The following DRD3 variants were observed in gnomAD, a reference collection of about 807,000 sequenced individuals.
The protein encoded by DRD3 is D(3) dopamine receptor.
Under a neutral mutation model 36.3 loss-of-function variants are expected in DRD3, and 19 were observed. The ratio of observed to expected loss-of-function variants is 0.52; its 90% CI spans 0.36 to 0.77. The LOEUF is 0.77. Ranked by LOEUF, DRD3 falls within the 30% of genes least tolerant of loss-of-function variation. The pLI, the probability that DRD3 is intolerant of heterozygous loss-of-function variation, is 0.00. For synonymous variants in DRD3, 195 were observed against 203.7 expected, an observed-to-expected ratio of 0.96 and a Z score of 0.36; for missense variants, 465 against 505.3, an observed-to-expected ratio of 0.92 and a Z score of 0.77.
At chr3:114,191,655 C>T (rs542521510) in intron 1 of DRD3, among the ~76,000 whole-genome samples, 4 of 152,230 alleles carry the variant, frequency 2.6e-5, no homozygotes, top group Non-Finnish European at 2.9e-5. Flanking sequence ...GAGGCTGTTA[C>T]GGTAACTCAG....
chr3:114,192,048 A>AT (rs1245511389), intron 1 of DRD3, among the ~76,000 whole-genome samples: 1 of 152,192 alleles, frequency 6.6e-6, no homozygotes, highest in Non-Finnish European at 1.5e-5. Flanking sequence ...ATGGAAAAAA[A>AT]GGGAAGGCTT....
intron 4 of DRD3, among the ~76,000 whole-genome samples, chr3:114,143,047 G>A (rs905912688): frequency 6.6e-6 from 1 of 152,348 alleles, no homozygotes; most frequent in East Asian, 1.9e-4. Flanking sequence ...AACCTTCTCT[G>A]CTGTGTACCA....
At position 114,159,812 on chromosome 3, in the gene DRD3, A is replaced by C. The variant is rs756246784; in HGVS notation, c.326T>G (p.Leu109Arg). The change falls in exon 3 of 7, where the codon CTG (leucine) becomes CGG (arginine). Residue 109 changes from leucine to arginine, a missense_variant. By Grantham distance (102) the Leu-to-Arg change is moderately radical (BLOSUM62 -2). Coordinates refer to ENST00000383673, the MANE Select transcript of DRD3 (RefSeq NM_000796.6). ...SRICCDVFVT[L>R]DVMMCTASIL... Reference sequence around the variant, plus strand: ...GCTGGCTGTACACATCATGACATCCAGGGTGACAAAAACATCACAGCAAAT... The same window carrying C: ...GCTGGCTGTACACATCATGACATCCCGGGTGACAAAAACATCACAGCAAAT... 5.0e-6 allele frequency: 8 copies of C among 1,614,150 alleles called. No individual in the cohort carries two copies. Among genetic ancestry groups the C allele is most frequent in the Non-Finnish European group, 6.8e-6 (8 of 1,180,000 alleles).
chr3:114,133,745 G>A (rs1426704755), intron 5 of DRD3, among the ~76,000 whole-genome samples: 2 of 10,220 alleles, frequency 2.0e-4, no homozygotes, highest in Non-Finnish European at 4.0e-4. Flanking sequence ...TTCTTTTCAT[G>A]TTTGAAGAAT....
chr3:114,135,594 G>C (rs1189466945), intron 5 of DRD3, among the ~76,000 whole-genome samples: 1 of 152,000 alleles, frequency 6.6e-6, no homozygotes, highest in Non-Finnish European at 1.5e-5. Context: ...TAGTTTGATG[G>C]CATTTTCTAA....
Position 114,198,386 on chromosome 3 carries a change from C to G in DRD3, c.-156+887G>C, listed in dbSNP as rs1341773909. Among the ~76,000 whole-genome samples, 3 of 152,122 alleles carry G rather than the reference C, an allele frequency of 2.0e-5. No individual in the cohort carries two copies. The East Asian group carries it at 5.8e-4, about 29-fold the overall frequency. ...TCCTGAGGTCAAGCTATCTGCCCACCTCAGCCTCCCAAAGTGCTGGGATTA... is the reference window on the plus strand; with the variant it reads ...TCCTGAGGTCAAGCTATCTGCCCACGTCAGCCTCCCAAAGTGCTGGGATTA... On this transcript the variant is annotated intron_variant, in intron 1 of 7. Transcript: ENST00000460779.
At chr3:114,151,828 A>G (rs1204869938) in intron 3 of DRD3, among the ~76,000 whole-genome samples, 3 of 152,208 alleles carry the variant, frequency 2.0e-5, no homozygotes, top group Non-Finnish European at 4.4e-5. Flanking sequence ...GAGGGCATCG[A>G]CAGCTCTCTG....
At chr3:114,178,002 C>A (rs552919706) in intron 1 of DRD3, among the ~76,000 whole-genome samples, 154 of 152,250 alleles carry the variant, frequency 1.0e-3, no homozygotes, top group South Asian at 3.3e-3. Flanking sequence ...TGATGGTATT[C>A]AATTAAACTA....
Position 114,128,790 on chromosome 3 carries a change from C to T in DRD3, c.1129G>A (p.Ala377Thr), listed in dbSNP as rs774367314. 4 of 1,613,660 alleles carry T rather than the reference C, an allele frequency of 2.5e-6. No homozygotes were observed. Among genetic ancestry groups the T allele is most frequent in the South Asian group, 2.2e-5 (2 of 91,038 alleles). Reference sequence around the variant, plus strand: ...GTGGTATAGATCACAGGGTTGAGGGCGCTATTCACGTAGCCCAGCCATGTC... The same window carrying T: ...GTGGTATAGATCACAGGGTTGAGGGTGCTATTCACGTAGCCCAGCCATGTC... ...ATTWLGYVNS[A>T]LNPVIYTTFN... The change falls in exon 7 of 7, where the codon GCC becomes ACC. Residue 377 changes from alanine (A) to threonine (T), a missense_variant. Ala to Thr is a moderately conservative substitution (Grantham distance 58, BLOSUM62 0). Transcript: ENST00000383673.
At chr3:114,193,135 T>C (rs554595541) in intron 1 of DRD3, among the ~76,000 whole-genome samples, 7 of 152,054 alleles carry the variant, frequency 4.6e-5, no homozygotes, top group Admixed American at 2.0e-4. Flanking sequence ...AAAAATTAGC[T>C]GGGCGTGGTG....
intron 3 of DRD3, among the ~76,000 whole-genome samples, chr3:114,150,675 G>A (rs2077609079): frequency 6.6e-6 from 1 of 152,090 alleles, no homozygotes; most frequent in African/African-American, 2.4e-5. Flanking sequence ...AACATTTTTT[G>A]TCTTGTCAGT....
intron 4 of DRD3, among the ~76,000 whole-genome samples, chr3:114,143,351 A>G (rs1228592308): frequency 1.3e-5 from 2 of 152,202 alleles, no homozygotes; most frequent in African/African-American, 4.8e-5. Context: ...TTCAGGAAGA[A>G]AGGATGATGA....
intron 3 of DRD3, among the ~76,000 whole-genome samples, chr3:114,150,363 G>T (rs1168156734): frequency 6.6e-6 from 1 of 152,186 alleles, no homozygotes; most frequent in Non-Finnish European, 1.5e-5. Flanking sequence ...TGAACTCTTA[G>T]CACTTCTATG....
At chr3:114,135,115 C>T (rs1328825532) in intron 5 of DRD3, among the ~76,000 whole-genome samples, 3 of 152,142 alleles carry the variant, frequency 2.0e-5, no homozygotes, top group Non-Finnish European at 2.9e-5. Context: ...TAACCATGAA[C>T]CTACTCTCTA....
At chr3:114,162,676 A>G (rs2077745052) in intron 2 of DRD3, among the ~76,000 whole-genome samples, 1 of 152,240 alleles carries the variant, frequency 6.6e-6, no homozygotes, top group Non-Finnish European at 1.5e-5. Flanking sequence ...TAGAAAGAAT[A>G]AGCACTTTGT....
chr3:114,164,219 T>TGAAAAAAAAAA (rs2077760321), intron 2 of DRD3, among the ~76,000 whole-genome samples: 1 of 10,768 alleles, frequency 9.3e-5, no homozygotes, highest in Non-Finnish European at 1.6e-4. Flanking sequence ...AGCCTCAGTC[T>TGAAAAAAAAAA]CAAAAAAAAA....
At chr3:114,170,183 A>C (rs1210228108) in intron 2 of DRD3, among the ~76,000 whole-genome samples, 1 of 152,232 alleles carries the variant, frequency 6.6e-6, no homozygotes, top group African/African-American at 2.4e-5. Context: ...GTTGGATGTA[A>C]AATAACAAAT....
chr3:114,149,538 C>T (rs537565676), intron 3 of DRD3, among the ~76,000 whole-genome samples: 2 of 152,200 alleles, frequency 1.3e-5, no homozygotes, highest in African/African-American at 4.8e-5. Flanking sequence ...ATTTCTGCCA[C>T]GTATAATCCC....
chr3:114,188,141 C>G (rs946646066), intron 1 of DRD3, among the ~76,000 whole-genome samples: 1 of 151,434 alleles, frequency 6.6e-6, no homozygotes, highest in African/African-American at 2.4e-5. Context: ...AGTTTATTAT[C>G]TCACATAAAA....
Sources: gnomAD v4.1 joint callset for allele counts (sites outside exome capture counted in the v4.1 genomes callset) on GRCh38, gnomAD v4.1.1 for gene constraint, MANE v1.5 for transcripts, NCBI Gene and HGNC (gene_info 2026-07-23, HGNC 2026-07-21) for gene names.